The following CRACD variants were observed in gnomAD, a reference collection of about 807,000 sequenced individuals.
CRACD encodes the protein capping protein inhibiting regulator of actin dynamics, also known as capping protein-inhibiting regulator of actin dynamics.
A neutral mutation model predicts 106.8 loss-of-function variants in CRACD; 56 were observed. That is an observed-to-expected ratio of 0.52 (90% CI 0.42 to 0.66). The LOEUF is 0.66. Among genes scored for constraint, CRACD ranks in the 30% least tolerant of loss-of-function variants. The probability of loss-of-function intolerance (pLI) is 0.00; values close to 1 mark genes in which losing one functional copy is unlikely to be tolerated. For missense variants in CRACD, 1,730 were observed against 1,623.2 expected, an observed-to-expected ratio of 1.07 and a Z score of -1.13; for synonymous variants, 754 against 670.8, an observed-to-expected ratio of 1.12 and a Z score of -1.92.
intron 2 of CRACD, among the ~76,000 whole-genome samples, chr4:56,207,557 A>G (rs192204357): frequency 2.0e-5 from 3 of 152,134 alleles, no homozygotes; most frequent in Admixed American, 6.5e-5. Flanking sequence ...CTATCAAGGC[A>G]TAAGGTTGTC....
chr4:56,171,736 GCAGA>G (rs1736372757), intron 1 of CRACD, among the ~76,000 whole-genome samples: 1 of 152,190 alleles, frequency 6.6e-6, no homozygotes. Context: ...TGTTCCCTGT[GCAGA>G]CAAATAGTAG....
At chr4:56,327,554 A>G in intron 10 of CRACD, 90 bp from the exon 11 acceptor site, 1 of 1,148,040 alleles carries the variant, frequency 8.7e-7, no homozygotes, top group Admixed American at 2.1e-5. Context: ...TGTCATGATA[A>G]ATACATAGTT....
At chr4:56,083,660 A>G in intron 1 of CRACD, among the ~76,000 whole-genome samples, 1 of 152,126 alleles carries the variant, frequency 6.6e-6, no homozygotes, top group East Asian at 1.9e-4. Context: ...TAATTTTCTT[A>G]AAATTGGTTA....
intron 2 of CRACD, among the ~76,000 whole-genome samples, chr4:56,234,745 A>C (rs1739860934): frequency 6.6e-6 from 1 of 152,200 alleles, no homozygotes; most frequent in Non-Finnish European, 1.5e-5. Context: ...CCTTAGTGGT[A>C]CTAGAAATTG....
At chr4:56,178,213 A>G (rs574617692) in intron 1 of CRACD, among the ~76,000 whole-genome samples, 1 of 152,282 alleles carries the variant, frequency 6.6e-6, no homozygotes, top group African/African-American at 2.4e-5. Flanking sequence ...CCGAGGCAGA[A>G]TGTTGAGCTC....
chr4:56,171,723 A>T (rs1736372094), intron 1 of CRACD, among the ~76,000 whole-genome samples: 1 of 152,200 alleles, frequency 6.6e-6, no homozygotes, highest in Admixed American at 6.5e-5. Flanking sequence ...CTTAGCTAAG[A>T]AATGTTCCCT....
intron 1 of CRACD, among the ~76,000 whole-genome samples, chr4:56,092,595 T>TATTTTTTA (rs1553901499): frequency 6.6e-6 from 1 of 152,164 alleles, no homozygotes; most frequent in African/African-American, 2.4e-5. Context: ...TTATTTTATT[T>TATTTTTTA]ATTTTTTAAT....
At chr4:56,049,734 C>G (rs1731806829) in intron 1 of CRACD, 1 of 152,522 alleles carries the variant, frequency 6.6e-6, no homozygotes, top group African/African-American at 2.4e-5. Flanking sequence ...CCACCGCCCC[C>G]GGAGCTGCAT....
intron 4 of CRACD, among the ~76,000 whole-genome samples, chr4:56,300,899 A>C (rs1744330573): frequency 2.0e-5 from 3 of 152,248 alleles, no homozygotes. Context: ...GTCATAATTA[A>C]TAAAATGTAA....
chr4:56,221,291 C>A (rs1739017739), intron 2 of CRACD, among the ~76,000 whole-genome samples: 2 of 151,960 alleles, frequency 1.3e-5, no homozygotes, highest in African/African-American at 4.8e-5. Context: ...GGAAGAAAAG[C>A]CACAACAGTA....
At chr4:56,136,668 A>G (rs1187298050) in intron 1 of CRACD, among the ~76,000 whole-genome samples, 1 of 152,164 alleles carries the variant, frequency 6.6e-6, no homozygotes, top group Non-Finnish European at 1.5e-5. Context: ...TTGGAAAGAT[A>G]TTTTACAAAT....
At chr4:56,311,870 C>T (rs577607926) in intron 6 of CRACD, among the ~76,000 whole-genome samples, 1 of 152,364 alleles carries the variant, frequency 6.6e-6, no homozygotes, top group Non-Finnish European at 1.5e-5. Flanking sequence ...CCTGTGAATT[C>T]TCTGTAGGTA....
intron 2 of CRACD, among the ~76,000 whole-genome samples, chr4:56,270,918 C>T (rs894129394): frequency 1.6e-5 from 2 of 122,676 alleles, no homozygotes; most frequent in Non-Finnish European, 3.5e-5. Context: ...ACCGTCTCTA[C>T]TAAACACACA....
intron 2 of CRACD, among the ~76,000 whole-genome samples, chr4:56,250,598 T>C (rs1740995564): frequency 2.0e-5 from 3 of 152,326 alleles, no homozygotes; most frequent in Admixed American, 2.0e-4. Context: ...AGACACACTT[T>C]TGAAATGCAG....
chr4:56,156,989 A>C (rs1426186244), intron 1 of CRACD, among the ~76,000 whole-genome samples: 2 of 152,240 alleles, frequency 1.3e-5, no homozygotes, highest in Admixed American at 1.3e-4. Flanking sequence ...CCTGGAAATA[A>C]TGGGCACTTA....
chr4:56,157,808 G>A (rs574703628), intron 1 of CRACD, among the ~76,000 whole-genome samples: 1 of 152,292 alleles, frequency 6.6e-6, no homozygotes, highest in East Asian at 1.9e-4. Flanking sequence ...CTGAGGCACT[G>A]TATGCCTCTC....
chr4:56,189,912 G>A (rs1349521244), intron 2 of CRACD, among the ~76,000 whole-genome samples: 297 of 140,662 alleles, frequency 2.1e-3, no homozygotes, highest in South Asian at 2.3e-3. Flanking sequence ...CTGGTGCGCT[G>A]CACCCACTAA....
chr4:56,206,494 TTTAACATTATTGACAGCCGTCCATCTCTG>T (rs1290379690), intron 2 of CRACD, among the ~76,000 whole-genome samples: 3 of 152,210 alleles, frequency 2.0e-5, no homozygotes, highest in Non-Finnish European at 2.9e-5. Context: ...ATCATGGGTG[TTTAACATTATTGACAGCCGTCCATCTCTG>T]TTACACTTAT....
chr4:56,279,789 CTGGGTA>C (rs1472916311), intron 3 of CRACD, among the ~76,000 whole-genome samples: 35 of 152,280 alleles, frequency 2.3e-4, no homozygotes, highest in African/African-American at 8.2e-4. Context: ...CATCCCATTA[CTGGGTA>C]TATACCCAAA....
Sources: gnomAD v4.1 joint callset for allele counts (sites outside exome capture counted in the v4.1 genomes callset) on GRCh38, gnomAD v4.1.1 for gene constraint, MANE v1.5 for transcripts, NCBI Gene and HGNC (gene_info 2026-07-23, HGNC 2026-07-21) for gene names.